Variants in L3MBTL4 observed in about 807,000 individuals in gnomAD.
L3MBTL4 encodes the protein L3MBTL histone methyl-lysine binding protein 4.
Under a neutral mutation model 84.5 loss-of-function variants are expected in L3MBTL4, and 70 were observed. That is an observed-to-expected ratio of 0.83 (90% CI 0.68 to 1.01). The LOEUF is 1.01. Ranked by LOEUF, L3MBTL4 falls within the 50% of genes least tolerant of loss-of-function variation. The probability of loss-of-function intolerance (pLI) is 0.00; values close to 1 mark genes in which losing one functional copy is unlikely to be tolerated. For synonymous variants in L3MBTL4, 274 were observed against 259.8 expected (o/e 1.05, Z -0.52); for missense variants, 715 against 754.8 (o/e 0.95, Z 0.62).
At chr18:6,118,968 G>C (rs1163639712) in intron 14 of L3MBTL4, among the ~76,000 whole-genome samples, 1 of 136,518 alleles carries the variant, frequency 7.3e-6, no homozygotes, top group East Asian at 2.3e-4. Context: ...CTTTCTAATA[G>C]ATTTGGCACA....
chr18:6,316,924 T>C (rs2051134692), intron 1 of L3MBTL4, among the ~76,000 whole-genome samples: 2 of 152,030 alleles, frequency 1.3e-5, no homozygotes, highest in South Asian at 2.1e-4. Flanking sequence ...CCACAACCAG[T>C]TTCTACCCAG....
intron 4 of L3MBTL4, among the ~76,000 whole-genome samples, chr18:6,286,379 G>A (rs778881276): frequency 3.0e-4 from 45 of 151,732 alleles, no homozygotes; most frequent in Non-Finnish European, 6.3e-4. Flanking sequence ...CGGAAGAATC[G>A]CTTGAACCCA....
At chr18:6,220,199 T>TA in intron 10 of L3MBTL4, among the ~76,000 whole-genome samples, 1 of 152,086 alleles carries the variant, frequency 6.6e-6, no homozygotes, top group Non-Finnish European at 1.5e-5. Context: ...TAAACAATGG[T>TA]AAATATAAGT....
chr18:6,263,449 G>T (rs1200111568), intron 5 of L3MBTL4, among the ~76,000 whole-genome samples: 1 of 152,102 alleles, frequency 6.6e-6, no homozygotes, highest in Non-Finnish European at 1.5e-5. Flanking sequence ...TACACCAGCT[G>T]CTCTGTTCAC....
At chr18:6,283,541 A>G (rs988540527) in intron 4 of L3MBTL4, among the ~76,000 whole-genome samples, 1 of 152,190 alleles carries the variant, frequency 6.6e-6, no homozygotes, top group Admixed American at 6.5e-5. Context: ...AAACAGTCCT[A>G]TAGGAACCTC....
chr18:6,036,427 A>C (rs1432788101), intron 16 of L3MBTL4, among the ~76,000 whole-genome samples: 1 of 151,972 alleles, frequency 6.6e-6, no homozygotes, highest in African/African-American at 2.4e-5. Context: ...CACTTCAGCT[A>C]TTGTGCTTTT....
rs570259384 is a variant in L3MBTL4, at chr18:6,283,731, A to G, written c.127+18172T>C. 1.6e-4 allele frequency among the ~76,000 whole-genome samples: 24 copies of G among 152,314 alleles called. No individual in the cohort carries two copies. In the South Asian group the frequency reaches 4.8e-3, roughly 30 times the overall value. On this transcript the variant is annotated intron_variant, in intron 4 of 18. Coordinates refer to ENST00000317931, the MANE Select transcript of L3MBTL4 (RefSeq NM_001330559.2). ...TTTTATGGGGTAAGATATATTATCT[A>G]TTACTCCCATTTCACAAGCAAGAGA...
At chr18:6,243,963 T>C (rs540235945) in intron 6 of L3MBTL4, among the ~76,000 whole-genome samples, 6 of 152,264 alleles carry the variant, frequency 3.9e-5, no homozygotes, top group Admixed American at 6.5e-5. Flanking sequence ...GTAAAGTAAA[T>C]AAATGTGACT....
intron 3 of L3MBTL4, among the ~76,000 whole-genome samples, chr18:6,304,619 A>G (rs2146868794): frequency 6.6e-6 from 1 of 152,344 alleles, no homozygotes; most frequent in East Asian, 1.9e-4. Context: ...CAGGGCATGC[A>G]GTGGGAGTGG....
At chr18:6,392,973 C>T (rs991254230) in intron 1 of L3MBTL4, among the ~76,000 whole-genome samples, 1 of 152,074 alleles carries the variant, frequency 6.6e-6, no homozygotes, top group African/African-American at 2.4e-5. Flanking sequence ...ATATCAGATA[C>T]AATGTATACT....
chr18:6,304,916 A>C (rs2050514294), intron 3 of L3MBTL4, among the ~76,000 whole-genome samples: 1 of 152,178 alleles, frequency 6.6e-6, no homozygotes, highest in African/African-American at 2.4e-5. Context: ...GAAATATATA[A>C]TATGCTATCT....
intron 16 of L3MBTL4, among the ~76,000 whole-genome samples, chr18:6,041,620 A>C (rs1450201567): frequency 1.3e-5 from 2 of 152,024 alleles, no homozygotes; most frequent in Non-Finnish European, 2.9e-5. Flanking sequence ...CGTGTCCACA[A>C]ATGGTTCCTG....
At chr18:6,126,877 T>A (rs894554354) in intron 14 of L3MBTL4, among the ~76,000 whole-genome samples, 1 of 152,236 alleles carries the variant, frequency 6.6e-6, no homozygotes, top group African/African-American at 2.4e-5. Flanking sequence ...TAAAAATACA[T>A]CTGCAAGTTT....
At chr18:6,201,133 C>T (rs1344417128) in intron 12 of L3MBTL4, among the ~76,000 whole-genome samples, 4 of 152,158 alleles carry the variant, frequency 2.6e-5, no homozygotes, top group South Asian at 4.2e-4. Context: ...AGAGGCAAAA[C>T]AAAGTATAAA....
intron 13 of L3MBTL4, among the ~76,000 whole-genome samples, chr18:6,168,871 C>T (rs554105524): frequency 2.4e-3 from 367 of 152,130 alleles, no homozygotes; most frequent in African/African-American, 8.2e-3. Context: ...CAAAAGAAAC[C>T]ACCATCAGAG....
chr18:6,188,131 T>C (rs1045733189), intron 12 of L3MBTL4, among the ~76,000 whole-genome samples: 5 of 152,046 alleles, frequency 3.3e-5, no homozygotes, highest in Admixed American at 1.3e-4. Context: ...TACCTTGGAA[T>C]CCTGGGGTCT....
intron 14 of L3MBTL4, among the ~76,000 whole-genome samples, chr18:6,120,098 A>G (rs890114021): frequency 6.6e-6 from 1 of 152,238 alleles, no homozygotes; most frequent in Non-Finnish European, 1.5e-5. Flanking sequence ...GGCCTGAAAC[A>G]GCACAGATGT....
intron 16 of L3MBTL4, among the ~76,000 whole-genome samples, chr18:5,996,714 T>A (rs1598393545): frequency 1.3e-5 from 2 of 152,082 alleles, no homozygotes; most frequent in East Asian, 3.9e-4. Flanking sequence ...AAGACAATGA[T>A]GTGAATCCAG....
At chr18:6,376,068 C>T (rs1347386193) in intron 1 of L3MBTL4, among the ~76,000 whole-genome samples, 3 of 152,196 alleles carry the variant, frequency 2.0e-5, no homozygotes, top group Non-Finnish European at 1.5e-5. Flanking sequence ...CACATATGGA[C>T]TGGGTCTAGC....
Sources: gnomAD v4.1 joint callset for allele counts (sites outside exome capture counted in the v4.1 genomes callset) on GRCh38, gnomAD v4.1.1 for gene constraint, MANE v1.5 for transcripts, NCBI Gene and HGNC (gene_info 2026-07-23, HGNC 2026-07-21) for gene names.